The following LMTK2 variants were observed in gnomAD, a reference collection of about 807,000 sequenced individuals.
LMTK2 encodes the protein serine/threonine-protein kinase LMTK2.
Under a neutral mutation model 127.5 loss-of-function variants are expected in LMTK2, and 37 were observed. The observed-to-expected ratio is 0.29, with a 90% confidence interval of 0.22 to 0.38. The LOEUF (loss-of-function observed/expected upper bound fraction) is 0.38. LMTK2 is among the 10% of genes least tolerant of loss of function. LMTK2 has a pLI of 1.00. For missense variants in LMTK2, 1,694 were observed against 1,920.3 expected (o/e 0.88, Z 2.20); for synonymous variants, 819 against 810.1 (o/e 1.01, Z -0.19).
In LMTK2 at chr7:98,174,086, A is replaced by G. The variant is rs1476701908; in HGVS notation, c.791+2412A>G. ...ACAAAAAACCCTTGAAACCATTGACAGCTGTTTCATTTTGTTGTAAAAAAA... is the reference window on the plus strand; with the variant it reads ...ACAAAAAACCCTTGAAACCATTGACGGCTGTTTCATTTTGTTGTAAAAAAA... On this transcript the variant is annotated intron_variant, in intron 7 of 13. Coordinates refer to ENST00000297293, the MANE Select transcript of LMTK2 (RefSeq NM_014916.4). Among the ~76,000 whole-genome samples the G allele has an allele frequency of 2.8e-5, 4 of 143,094 alleles. No individual in the cohort carries two copies. The South Asian group carries it at 9.3e-4, about 33-fold the overall frequency. The allele number at this position is 143,094 out of a possible 152,430, so 93.9% of individuals were successfully genotyped here.
At chr7:98,183,562 G>C (rs929990442) in intron 7 of LMTK2, among the ~76,000 whole-genome samples, 1 of 151,968 alleles carries the variant, frequency 6.6e-6, no homozygotes, top group Non-Finnish European at 1.5e-5. Context: ...TAATTTTTTT[G>C]TATTTTTAAT....
intron 1 of LMTK2, among the ~76,000 whole-genome samples, chr7:98,114,157 G>A (rs10215577): frequency 0.12 from 18,126 of 151,942 alleles, 1,623 homozygotes; most frequent in African/African-American, 0.25. Flanking sequence ...TTGGTAGGAG[G>A]GGGTGGTGGT....
At chr7:98,133,314 G>A (rs1427505457) in intron 1 of LMTK2, among the ~76,000 whole-genome samples, 1 of 152,062 alleles carries the variant, frequency 6.6e-6, no homozygotes, top group African/African-American at 2.4e-5. Flanking sequence ...TCTTTATCAG[G>A]TTCTAACAGC....
Position 98,154,783 on chromosome 7 carries a change from G to T in LMTK2, c.476G>T (p.Gly159Val), listed in dbSNP as rs764020168. 1 of 1,612,450 alleles carries T rather than the reference G, an allele frequency of 6.2e-7. No homozygotes were observed. Among genetic ancestry groups the T allele is most frequent in the South Asian group, 1.1e-5 (1 of 91,002 alleles). ...GTTCTCTTGGGAGAGATTTACACGG[G>T]CACTAGCGTAGCAAGAGTCATCGTG... ...GKVLLGEIYT[G>V]TSVARVIVKE... Residue 159 changes from glycine to valine, a missense_variant, in exon 5 of 14, where the codon GGC becomes GTC. Around this residue, in one of 8 missense-constraint regions of LMTK2, gnomAD observed 203 missense variants for 226.2 expected, o/e 0.90. Coordinates refer to ENST00000297293, the MANE Select transcript of LMTK2 (RefSeq NM_014916.4).
intron 5 of LMTK2, among the ~76,000 whole-genome samples, chr7:98,158,424 G>A (rs1042434142): frequency 2.0e-5 from 3 of 152,130 alleles, no homozygotes; most frequent in Non-Finnish European, 2.9e-5. Context: ...ACAGTTGCGC[G>A]TCCCCACACC....
chr7:98,178,440 C>T (rs1316664629), intron 7 of LMTK2, among the ~76,000 whole-genome samples: 3 of 152,188 alleles, frequency 2.0e-5, no homozygotes, highest in Non-Finnish European at 2.9e-5. Context: ...GATCGCTCTG[C>T]TCATGCGGCC....
chr7:98,155,228 A>G (rs781392950), intron 5 of LMTK2, among the ~76,000 whole-genome samples: 17 of 152,172 alleles, frequency 1.1e-4, no homozygotes, highest in Non-Finnish European at 1.9e-4. Flanking sequence ...CATAAAGAAG[A>G]CATAAATGGA....
chr7:98,183,460 T>A (rs1162120018), intron 7 of LMTK2, among the ~76,000 whole-genome samples: 2 of 152,168 alleles, frequency 1.3e-5, no homozygotes, highest in East Asian at 3.9e-4. Flanking sequence ...CGATCTCGGC[T>A]TATTGCAGCC....
chr7:98,191,469 T>C (rs1192914213), intron 10 of LMTK2, 145 bp from the exon 11 acceptor site: 2 of 635,506 alleles, frequency 3.1e-6, no homozygotes, highest in Non-Finnish European at 5.2e-6. Context: ...AGAGAATTGC[T>C]TGAACCCAGG....
chr7:98,170,810 C>T (rs1050467011), intron 6 of LMTK2, among the ~76,000 whole-genome samples: 5 of 152,042 alleles, frequency 3.3e-5, no homozygotes, highest in African/African-American at 9.7e-5. Context: ...ATAAAGACAG[C>T]GTAACACAGG....
intron 2 of LMTK2, among the ~76,000 whole-genome samples, chr7:98,140,572 T>A (rs940981334): frequency 1.3e-5 from 2 of 152,198 alleles, no homozygotes; most frequent in African/African-American, 4.8e-5. Flanking sequence ...TGATTTTTTT[T>A]AGCTAATTTA....
At chr7:98,176,460 T>C (rs1797278343) in intron 7 of LMTK2, among the ~76,000 whole-genome samples, 1 of 150,196 alleles carries the variant, frequency 6.7e-6, no homozygotes, top group Non-Finnish European at 1.5e-5. Context: ...CCTTCCAACA[T>C]TTCTTTGGAG....
chr7:98,171,399 T>G lies in LMTK2; in HGVS notation c.658-142T>G. The stretch of plus-strand genomic sequence containing the variant: ...AATAGTGTTCTATACTTTCGCAGTA[T>G]TGGGTTGGAACTTCTTTAAGTATGA... On this transcript the variant is annotated intron_variant, in intron 6 of 13. Coordinates refer to ENST00000297293, the MANE Select transcript of LMTK2 (RefSeq NM_014916.4). The surrounding 1 kb of genome is among the most constrained non-coding windows in gnomAD (Gnocchi z 5.1). The G allele has an allele frequency of 1.0e-6, 1 of 987,888 alleles. No homozygotes were observed. The highest frequency in any genetic ancestry group is 1.4e-5 in the South Asian group (1 of 72,196). 61.2% of individuals were successfully genotyped at this position (987,888 alleles called of 1,614,324 possible).
In LMTK2 at chr7:98,116,094, A is replaced by G. The variant is rs1246919905; in HGVS notation, c.103+8814A>G. On this transcript the variant is annotated intron_variant, in intron 1 of 13. Coordinates refer to ENST00000297293, the MANE Select transcript of LMTK2 (RefSeq NM_014916.4). ...GATGGTCTACAAAAGTAAAGTTGCC[A>G]TGTTGCCCAGGCTGGTCTCAAACTC... Among the ~76,000 whole-genome samples the G allele has an allele frequency of 1.3e-5, 2 of 151,922 alleles. 1 individual carries two copies. The highest frequency in any genetic ancestry group is 1.3e-4 in the Admixed American group (2 of 15,248).
Position 98,209,560 on chromosome 7 carries a change from G to A in LMTK2, c.*4068G>A, listed in dbSNP as rs1397856073. The A allele has an allele frequency of 2.6e-5, 4 of 152,206 alleles. No individual in the cohort carries two copies. Among genetic ancestry groups the A allele is most frequent in the Non-Finnish European group, 4.4e-5 (3 of 68,032 alleles). 9.4% of individuals were successfully genotyped at this position (152,206 alleles called of 1,614,324 possible). ...GATTTTTACTGTATATTGATGCATA[G>A]TGTGATTCAATAAATTGCTTGTAAT... On this transcript the variant is annotated 3_prime_UTR_variant, in exon 14 of 14. Transcript: ENST00000297293.
intron 2 of LMTK2, among the ~76,000 whole-genome samples, 177 bp from the exon 3 acceptor site, chr7:98,141,220 G>T (rs779434771): frequency 3.3e-5 from 5 of 151,042 alleles, no homozygotes; most frequent in Non-Finnish European, 5.9e-5. Flanking sequence ...TTATTTTCCT[G>T]TCTTATGTAT....
intron 7 of LMTK2, among the ~76,000 whole-genome samples, chr7:98,177,700 G>T (rs1411065424): frequency 6.6e-6 from 1 of 151,818 alleles, no homozygotes; most frequent in Non-Finnish European, 1.5e-5. Context: ...TCCCTAGGGT[G>T]TAATAAGAAT....
intron 3 of LMTK2, among the ~76,000 whole-genome samples, chr7:98,147,069 G>A (rs1796784796): frequency 6.6e-6 from 1 of 152,182 alleles, no homozygotes; most frequent in South Asian, 2.1e-4. Context: ...TCATCCCACT[G>A]CCTTCTAGCC....
intron 7 of LMTK2, among the ~76,000 whole-genome samples, chr7:98,182,140 TA>T (rs1316319888): frequency 6.6e-6 from 1 of 152,166 alleles, no homozygotes; most frequent in Non-Finnish European, 1.5e-5. Context: ...TGCAAAACTA[TA>T]AAAGTCTTAG....
Sources: gnomAD v4.1 joint callset for allele counts (sites outside exome capture counted in the v4.1 genomes callset) on GRCh38, gnomAD v4.1.1 for gene constraint, gnomAD v4.1.1 regional missense constraint, Gnocchi (gnomAD v3.1) non-coding constraint, MANE v1.5 for transcripts, NCBI Gene and HGNC (gene_info 2026-07-23, HGNC 2026-07-21) for gene names.